Variants in EHBP1 observed in about 807,000 individuals in gnomAD.
EHBP1 encodes EH domain binding protein 1, also known as EH domain-binding protein 1.
In EHBP1, 55 loss-of-function variants were observed where a neutral mutation model predicts 144.0. The ratio of observed to expected loss-of-function variants is 0.38; its 90% CI spans 0.31 to 0.48. The LOEUF is 0.48. EHBP1 is among the 20% of genes least tolerant of loss of function. The pLI is 0.98. For synonymous variants in EHBP1, 469 were observed against 472.7 expected (o/e 0.99, Z 0.10); for missense variants, 1,200 against 1,364.2 (o/e 0.88, Z 1.90).
At chr2:62,805,343 T>C (rs1035784376) in intron 5 of EHBP1, among the ~76,000 whole-genome samples, 3 of 152,022 alleles carry the variant, frequency 2.0e-5, no homozygotes, top group Non-Finnish European at 4.4e-5. Context: ...TGCAAAAGAA[T>C]GTATCCAATA....
At chr2:63,021,324 GTGT>G (rs899812836) in intron 19 of EHBP1, among the ~76,000 whole-genome samples, 1 of 151,904 alleles carries the variant, frequency 6.6e-6, no homozygotes, top group African/African-American at 2.4e-5. Context: ...TGTTGTTATT[GTGT>G]TGTTTTTCAA....
intron 1 of EHBP1, among the ~76,000 whole-genome samples, chr2:62,700,485 C>T (rs1333081804): frequency 6.6e-6 from 1 of 152,116 alleles, no homozygotes; most frequent in Non-Finnish European, 1.5e-5. Context: ...ATGCTGGCTC[C>T]TCTTAGAGTT....
chr2:62,772,050 G>A (rs751501538), intron 5 of EHBP1: 1 of 152,456 alleles, frequency 6.6e-6, no homozygotes, highest in Non-Finnish European at 1.5e-5. Context: ...AGAGGTTGCA[G>A]TGAGCCGAGA....
chr2:63,034,201 T>G (rs1360058412), intron 19 of EHBP1, among the ~76,000 whole-genome samples: 1 of 152,080 alleles, frequency 6.6e-6, no homozygotes, highest in African/African-American at 2.4e-5. Flanking sequence ...TATTGGTAAT[T>G]TATTTATAAT....
chr2:62,792,121 C>T (rs548364070), intron 5 of EHBP1, among the ~76,000 whole-genome samples: 1 of 152,022 alleles, frequency 6.6e-6, no homozygotes, highest in African/African-American at 2.4e-5. Flanking sequence ...GTACTACTTA[C>T]AGTTATTTCA....
chr2:62,832,254 A>C (rs2046867711), intron 7 of EHBP1, among the ~76,000 whole-genome samples: 1 of 152,100 alleles, frequency 6.6e-6, no homozygotes, highest in South Asian at 2.1e-4. Flanking sequence ...CAAATGTTTT[A>C]AAAATATTAT....
intron 14 of EHBP1, among the ~76,000 whole-genome samples, chr2:62,957,066 C>T (rs967530600): frequency 6.6e-6 from 1 of 152,150 alleles, no homozygotes; most frequent in African/African-American, 2.4e-5. Flanking sequence ...TGGCAAATTT[C>T]AGTTATGAAC....
intron 10 of EHBP1, among the ~76,000 whole-genome samples, chr2:62,930,155 G>A (rs1308457519): frequency 6.6e-6 from 1 of 152,142 alleles, no homozygotes; most frequent in Non-Finnish European, 1.5e-5. Context: ...GGCTGAGGTG[G>A]GAGGATTGCT....
At chr2:62,783,566 CGTAGAAGCT>C (rs1363763825) in intron 5 of EHBP1, among the ~76,000 whole-genome samples, 2 of 152,256 alleles carry the variant, frequency 1.3e-5, no homozygotes, top group African/African-American at 2.4e-5. Context: ...CCCAACACCA[CGTAGAAGCT>C]GCCAAGGCTT....
At chr2:62,824,622 C>T (rs1445977963) in intron 5 of EHBP1, among the ~76,000 whole-genome samples, 1 of 151,924 alleles carries the variant, frequency 6.6e-6, no homozygotes, top group African/African-American at 2.4e-5. Flanking sequence ...GGCTTAAATC[C>T]TTCTCAAGTG....
At chr2:62,789,364 A>T (rs1220046194) in intron 5 of EHBP1, among the ~76,000 whole-genome samples, 1 of 152,210 alleles carries the variant, frequency 6.6e-6, no homozygotes, top group Non-Finnish European at 1.5e-5. Flanking sequence ...GTTTTAATTT[A>T]AATGCCACCT....
In EHBP1 at chr2:62,707,203, T is replaced by C; in HGVS notation, c.12T>C (p.Val4=). The change falls in exon 2 of 23, where the codon GTT becomes GTC. Residue 4 remains valine (V), a synonymous_variant. Coordinates refer to ENST00000431489, the MANE Select transcript of EHBP1 (RefSeq NM_001142616.3). ...CTTGACTGATCATCATGGCTTCAGT[T>C]TGGAAGAGACTGCAGCGTGTGGGAA... The part of the protein sequence containing the change: MAS[V]WKRLQRVGKH... The C allele has an allele frequency of 1.9e-6, 3 of 1,614,166 alleles. No homozygotes were observed. Among genetic ancestry groups the C allele is most frequent in the East Asian group, 2.2e-5 (1 of 44,882 alleles).
chr2:62,792,432 A>T (rs2043222059), intron 5 of EHBP1, among the ~76,000 whole-genome samples: 1 of 152,092 alleles, frequency 6.6e-6, no homozygotes, highest in Non-Finnish European at 1.5e-5. Context: ...TTTTCAAAAC[A>T]TCTTGTCTTT....
At position 63,045,124 on chromosome 2, in the gene EHBP1, G is replaced by A; in HGVS notation, c.3336G>A (p.Val1112=). ...RREQLLLDEL[V]ALVNKRDALV... is the part of the protein sequence containing the mutation. ...AACAGCTTCTGCTAGATGAGCTGGT[G>A]GCCCTGGTGAACAAGCGCGATGCGC... The change falls in exon 22 of 23, where the codon GTG becomes GTA. Residue 1112 remains valine, a synonymous_variant. Coordinates refer to ENST00000431489, the MANE Select transcript of EHBP1 (RefSeq NM_001142616.3). The surrounding 1 kb of genome is among the most constrained non-coding windows in gnomAD (Gnocchi z 5.7). 1 of 1,597,108 alleles carries A rather than the reference G, an allele frequency of 6.3e-7. No individual in the cohort carries two copies. Among genetic ancestry groups the A allele is most frequent in the Non-Finnish European group, 8.5e-7 (1 of 1,171,488 alleles).
intron 1 of EHBP1, among the ~76,000 whole-genome samples, chr2:62,674,549 T>G (rs1364463945): frequency 6.6e-6 from 1 of 152,252 alleles, no homozygotes; most frequent in Non-Finnish European, 1.5e-5. Context: ...GTTGTTTGGT[T>G]AACCCTACAG....
At chr2:62,951,540 G>GGC (rs927584526) in intron 13 of EHBP1, among the ~76,000 whole-genome samples, 3 of 142,772 alleles carry the variant, frequency 2.1e-5, no homozygotes, top group Non-Finnish European at 4.6e-5. Context: ...TTTTTGGGGG[G>GGC]GGGGGGTGGA....
upstream of EHBP1, chr2:62,705,564 G>A (rs2034464216): frequency 6.6e-6 from 1 of 152,130 alleles, no homozygotes; most frequent in African/African-American, 2.4e-5. Flanking sequence ...CCGAGCAAGG[G>A]CAAGGCGGAG....
At chr2:62,837,730 A>G (rs1361957700) in intron 7 of EHBP1, among the ~76,000 whole-genome samples, 25 of 151,784 alleles carry the variant, frequency 1.6e-4, no homozygotes, top group African/African-American at 4.4e-4. Context: ...ACAAAGATCA[A>G]AAGAGACAAA....
At chr2:62,778,112 C>T (rs1265012359) in intron 5 of EHBP1, among the ~76,000 whole-genome samples, 1 of 152,184 alleles carries the variant, frequency 6.6e-6, no homozygotes, top group African/African-American at 2.4e-5. Context: ...CCCACTATTT[C>T]TGACTGTGAC....
Sources: gnomAD v4.1 joint callset for allele counts (sites outside exome capture counted in the v4.1 genomes callset) on GRCh38, gnomAD v4.1.1 for gene constraint, Gnocchi (gnomAD v3.1) non-coding constraint, MANE v1.5 for transcripts, NCBI Gene and HGNC (gene_info 2026-07-23, HGNC 2026-07-21) for gene names.